Variants in CR1 observed in about 807,000 individuals in gnomAD.
CR1 encodes complement receptor type 1.
CR1 carries 116 observed loss-of-function variants against 187.3 expected under a neutral mutation model. The observed-to-expected ratio is 0.62, with a 90% CI of 0.53 to 0.72. The LOEUF (loss-of-function observed/expected upper bound fraction) is 0.72, where lower values mean the gene tolerates loss of function less well. CR1 is among the 30% of genes least tolerant of loss of function. The pLI, the probability that CR1 is intolerant of heterozygous loss-of-function variation, is 0.00. For missense variants in CR1, 1,731 were observed against 2,110.7 expected, an observed-to-expected ratio of 0.82 and a Z score of 3.52; for synonymous variants, 576 against 747.1, an observed-to-expected ratio of 0.77 and a Z score of 3.73.
At chr1:207,606,514 AT>A (rs1383594762) in intron 35 of CR1, 2 of 152,232 alleles carry the variant, frequency 1.3e-5, no homozygotes, top group African/African-American at 4.8e-5. Flanking sequence ...CTGCCTCATC[AT>A]TATATGGCAT....
chr1:207,621,911 A>T (rs1336057579), intron 43 of CR1, 62 bp from the exon 44 acceptor site: 2 of 1,370,360 alleles, frequency 1.5e-6, no homozygotes, highest in South Asian at 1.3e-5. Context: ...ACTGGCTGAG[A>T]GGTCCTGTTC....
intron 39 of CR1, 102 bp downstream of exon 39, chr1:207,612,143 G>A (rs1274091995): frequency 6.7e-6 from 8 of 1,197,934 alleles, no homozygotes; most frequent in Non-Finnish European, 8.4e-6. Flanking sequence ...TAGATAAGAA[G>A]TACCCAGAGA....
chr1:207,611,846 A>G lies in CR1; in HGVS notation c.6465A>G (p.Arg2155=), dbSNP rs772830430. The change falls in exon 38 of 47, where the codon AGA becomes AGG. Residue 2155 remains arginine, a synonymous_variant. Coordinates refer to ENST00000367049, the MANE Select transcript of CR1 (RefSeq NM_000651.6). ...GAGACTGGAGCCCTGAAGCCCCTAGATGTACAGGTGCCTTGACTCTCTGGC... is the reference window on the plus strand; with the variant it reads ...GAGACTGGAGCCCTGAAGCCCCTAGGTGTACAGGTGCCTTGACTCTCTGGC... ...PQGDWSPEAP[R]CTVKSCDDFL... is the part of the protein sequence containing the mutation. The G allele has an allele frequency of 1.9e-6, 3 of 1,613,888 alleles. No individual in the cohort carries two copies. The highest frequency in any genetic ancestry group is 2.5e-6 in the Non-Finnish European group (3 of 1,179,844).
At chr1:207,591,986 A>G (rs765743281) in intron 35 of CR1, among the ~76,000 whole-genome samples, 12 of 152,234 alleles carry the variant, frequency 7.9e-5, no homozygotes, top group Admixed American at 2.0e-4. Flanking sequence ...CCAGGAACAG[A>G]TGGATTCATA....
chr1:207,587,458 T>G lies in CR1; in HGVS notation c.5603T>G (p.Val1868Gly). The G allele has an allele frequency of 6.2e-7, 1 of 1,613,990 alleles. No homozygotes were observed. Among genetic ancestry groups the G allele is most frequent in the Non-Finnish European group, 8.5e-7 (1 of 1,179,822 alleles). Residue 1868 changes from valine (V) to glycine (G), a missense_variant, in exon 34 of 47, where the codon GTC becomes GGC. By Grantham distance (109) the Val-to-Gly change is moderately radical. Around this residue, in one of 5 missense-constraint regions of CR1, gnomAD observed 1,312 missense variants for 1,379.6 expected, o/e 0.95. Transcript: ENST00000367049. ...TIPINDFEFP[V>G]GTSLNYECRP... is the part of the protein sequence containing the mutation. ...CCAATTAATGACTTTGAGTTTCCAG[T>G]CGGGACATCTTTGAATTATGAATGC...
chr1:207,609,430 G>T lies in CR1; in HGVS notation c.6037G>T (p.Glu2013Ter). 1 of 1,614,000 alleles carries T rather than the reference G, an allele frequency of 6.2e-7. No homozygotes were observed. Among genetic ancestry groups the T allele is most frequent in the Non-Finnish European group, 8.5e-7 (1 of 1,179,880 alleles). Residue 2013 changes from glutamate to a stop codon, truncating the protein, a stop_gained, in exon 37 of 47, where the codon GAA (glutamate) becomes TAA (stop). Coordinates refer to ENST00000367049, the MANE Select transcript of CR1 (RefSeq NM_000651.6). LOFTEE classifies it high-confidence loss of function. ...AGAACAGCTGTTTGAGCTTGTGGGA[G>T]AACGGTCAATATATTGCACCAGCAA... Reference protein sequence around the residue: ...DGEQLFELVGERSIYCTSKDD... With the variant: ...DGEQLFELVG
intron 4 of CR1, among the ~76,000 whole-genome samples, chr1:207,517,585 T>C (rs1659845169): frequency 6.6e-6 from 1 of 152,190 alleles, no homozygotes; most frequent in African/African-American, 2.4e-5. Context: ...TGTGTAACAT[T>C]ATTTTTCCTT....
intron 37 of CR1, among the ~76,000 whole-genome samples, chr1:207,611,316 G>A (rs780749823): frequency 7.2e-5 from 11 of 152,214 alleles, no homozygotes; most frequent in Admixed American, 3.3e-4. Context: ...GTTGCCTTAC[G>A]CATGAGCTTG....
intron 34 of CR1, among the ~76,000 whole-genome samples, chr1:207,588,393 A>G (rs1661173022): frequency 6.6e-6 from 1 of 151,372 alleles, no homozygotes; most frequent in Non-Finnish European, 1.5e-5. Context: ...CTGGTCTTGA[A>G]CTCCTGACCT....
intron 4 of CR1, among the ~76,000 whole-genome samples, chr1:207,516,162 C>A (rs2102296263): frequency 6.6e-6 from 1 of 152,284 alleles, no homozygotes; most frequent in Admixed American, 6.5e-5. Context: ...TTCAAGGCTT[C>A]AGTGAGTTAT....
At chr1:207,519,462 C>T (rs1659906832) in intron 4 of CR1, among the ~76,000 whole-genome samples, 1 of 151,920 alleles carries the variant, frequency 6.6e-6, no homozygotes, top group African/African-American at 2.4e-5. Flanking sequence ...AAGTTATATT[C>T]CATTTTTTAT....
intron 4 of CR1, among the ~76,000 whole-genome samples, chr1:207,515,882 G>T (rs4844601): frequency 0.33 from 50,165 of 151,758 alleles, 9,849 homozygotes; most frequent in African/African-American, 0.54. Context: ...ATTCAATTTA[G>T]GAGTCTTCTT....
At position 207,623,058 on chromosome 1, in the gene CR1, CA is replaced by C; in HGVS notation, c.7343del (p.His2448ProfsTer49). ...TTTCCTCTCTTGGATAATTCTAAAG[CA>C]CAGAAAAGGGTAAGTATAGCCATAT... ...IIFLSWIILK[H>X]RKGNNAHENP... On this transcript the variant is annotated frameshift_variant, in exon 45 of 47. Transcript: ENST00000367049. LOFTEE classifies it high-confidence loss of function. 6.3e-7 allele frequency: 1 copy of C among 1,575,020 alleles called. No individual in the cohort carries two copies. The highest frequency in any genetic ancestry group is 1.2e-5 in the South Asian group (1 of 86,474).
chr1:207,615,024 G>T (rs1662052589), intron 40 of CR1, among the ~76,000 whole-genome samples: 1 of 152,014 alleles, frequency 6.6e-6, no homozygotes, highest in Non-Finnish European at 1.5e-5. Flanking sequence ...GCCCCAGCTG[G>T]TCTCAAACTC....
At position 207,515,043 on chromosome 1, in the gene CR1, TTATATGTATATATGTATATATACG is replaced by T. The variant is rs1659747536; in HGVS notation, c.487+3395_487+3418del. Among the ~76,000 whole-genome samples the T allele has an allele frequency of 5.0e-5, 7 of 140,618 alleles. No homozygotes were observed. The South Asian group carries it at 1.1e-3, about 23-fold the overall frequency. The allele number at this position is 140,618 out of a possible 152,430, so 92.3% of individuals were successfully genotyped here. A position where few individuals can be genotyped will look rare whatever the true frequency, so the allele number is the denominator to read the frequency against. ...CACACACACATATATACATATATAC[TTATATGTATATATGTATATATACG>T]TATATACGTATGCATACGTGTATGT... On this transcript the variant is annotated intron_variant, in intron 4 of 46. Coordinates refer to ENST00000367049, the MANE Select transcript of CR1 (RefSeq NM_000651.6).
rs554354369 is a variant in CR1 at position 207,512,731 on chromosome 1, C to T, written c.487+1077C>T. ...TAAAACAAATTGGGAAACCTTCCAT[C>T]TTATTTGAAATCTGTAATAAACATG... On this transcript the variant is annotated intron_variant, in intron 4 of 46. Coordinates refer to ENST00000367049, the MANE Select transcript of CR1 (RefSeq NM_000651.6). Among the ~76,000 whole-genome samples the T allele has an allele frequency of 5.9e-5, 9 of 152,246 alleles. No homozygotes were observed. The South Asian group carries it at 1.9e-3, about 32-fold the overall frequency.
intron 39 of CR1, among the ~76,000 whole-genome samples, chr1:207,612,916 T>C (rs1011181794): frequency 6.6e-6 from 1 of 152,194 alleles, no homozygotes; most frequent in African/African-American, 2.4e-5. Flanking sequence ...GCTCTTAGCA[T>C]TTGATAATGC....
intron 23 of CR1, among the ~76,000 whole-genome samples, chr1:207,565,057 C>A (rs778658231): frequency 6.7e-6 from 1 of 150,000 alleles, no homozygotes; most frequent in Non-Finnish European, 1.5e-5. Context: ...GTGATGGCTG[C>A]TGTTAATATT....
chr1:207,628,200 T>G (rs11580627), intron 45 of CR1, among the ~76,000 whole-genome samples: 4 of 152,158 alleles, frequency 2.6e-5, no homozygotes, highest in Non-Finnish European at 5.9e-5. Context: ...CCATTTCCTC[T>G]GCACCCTCCA....
Sources: gnomAD v4.1 joint callset for allele counts (sites outside exome capture counted in the v4.1 genomes callset) on GRCh38, gnomAD v4.1.1 for gene constraint, gnomAD v4.1.1 regional missense constraint, MANE v1.5 for transcripts, NCBI Gene and HGNC (gene_info 2026-07-23, HGNC 2026-07-21) for gene names.